The following RFX3 variants were observed in gnomAD, a reference collection of about 807,000 sequenced individuals.
RFX3 encodes the protein transcription factor RFX3.
In RFX3, 14 loss-of-function variants were observed where a neutral mutation model predicts 98.6. The ratio of observed to expected loss-of-function variants is 0.14; its 90% CI spans 0.09 to 0.22. RFX3 has a LOEUF of 0.22. Ranked by LOEUF, RFX3 falls within the 10% of genes least tolerant of loss-of-function variation. RFX3 has a pLI of 1.00. For synonymous variants in RFX3, 383 were observed against 328.4 expected (o/e 1.17, Z -1.80); for missense variants, 639 against 926.9 (o/e 0.69, Z 4.03).
chr9:3,497,712 C>T (rs1587861333), intron 1 of RFX3, among the ~76,000 whole-genome samples: 1 of 151,610 alleles, frequency 6.6e-6, no homozygotes, highest in Admixed American at 6.6e-5. Context: ...AAAAGTGTTA[C>T]AAAAAAATTG....
chr9:3,338,787 A>G (rs971195351), intron 3 of RFX3, among the ~76,000 whole-genome samples: 2 of 152,298 alleles, frequency 1.3e-5, no homozygotes, highest in Middle Eastern at 3.4e-3. Flanking sequence ...AAAGGGAAAA[A>G]GTGTTTTAAA....
intron 5 of RFX3, among the ~76,000 whole-genome samples, chr9:3,295,900 C>CTGAT (rs1827929205): frequency 6.6e-6 from 1 of 151,848 alleles, no homozygotes; most frequent in African/African-American, 2.4e-5. Context: ...TAATTTTAGT[C>CTGAT]TGATAAAAGC....
intron 4 of RFX3, 79 bp downstream of exon 4, chr9:3,330,180 T>C: frequency 6.9e-7 from 1 of 1,450,464 alleles, no homozygotes; most frequent in Non-Finnish European, 9.5e-7. Context: ...TCTGTGTTGT[T>C]CTTTTCCCTC....
intron 2 of RFX3, among the ~76,000 whole-genome samples, chr9:3,378,396 G>T (rs1183468351): frequency 6.6e-6 from 1 of 152,048 alleles, no homozygotes; most frequent in African/African-American, 2.4e-5. Flanking sequence ...GCTGAAAATG[G>T]AAAGTGTAAC....
chr9:3,270,681 G>T, intron 10 of RFX3, 156 bp from the exon 11 acceptor site: 1 of 756,168 alleles, frequency 1.3e-6, no homozygotes, highest in Admixed American at 2.9e-5. Flanking sequence ...TACCGAGAGA[G>T]ACAGACAGAT....
chr9:3,447,393 A>G (rs1258415942), intron 1 of RFX3, among the ~76,000 whole-genome samples: 1 of 152,164 alleles, frequency 6.6e-6, no homozygotes, highest in Non-Finnish European at 1.5e-5. Context: ...AGAGCCCAGC[A>G]ATGCAAAAGT....
At chr9:3,424,078 T>C (rs886425071) in intron 1 of RFX3, among the ~76,000 whole-genome samples, 76 of 148,726 alleles carry the variant, frequency 5.1e-4, no homozygotes, top group Middle Eastern at 3.5e-3. Context: ...ACCCGGGAGG[T>C]GGAGCTTGCA....
chr9:3,504,088 G>C (rs1587877412), intron 1 of RFX3, among the ~76,000 whole-genome samples: 2 of 140,712 alleles, frequency 1.4e-5, no homozygotes, highest in East Asian at 2.0e-4. Flanking sequence ...CCTTAGTTTT[G>C]ATCAATACAT....
At chr9:3,503,811 T>G (rs1816311110) in intron 1 of RFX3, among the ~76,000 whole-genome samples, 2 of 152,032 alleles carry the variant, frequency 1.3e-5, no homozygotes, top group Admixed American at 6.6e-5. Context: ...TATAAAACAC[T>G]GAAGAGCATT....
At chr9:3,243,706 C>T (rs968580661) in intron 15 of RFX3, among the ~76,000 whole-genome samples, 1 of 152,122 alleles carries the variant, frequency 6.6e-6, no homozygotes, top group Non-Finnish European at 1.5e-5. Context: ...AAAGGAAAGT[C>T]TTTTTGCTTG....
intron 1 of RFX3, among the ~76,000 whole-genome samples, chr9:3,490,938 C>G (rs1850673380): frequency 6.6e-6 from 1 of 152,026 alleles, no homozygotes; most frequent in South Asian, 2.1e-4. Context: ...AACATACTTA[C>G]ATGTATGTGT....
At chr9:3,321,134 C>T (rs1831257061) in intron 4 of RFX3, among the ~76,000 whole-genome samples, 1 of 151,986 alleles carries the variant, frequency 6.6e-6, no homozygotes, top group Non-Finnish European at 1.5e-5. Context: ...GAACTCCTGA[C>T]CTCAGGTGAT....
rs138067588 is a variant in RFX3 at position 3,448,927 on chromosome 9, T to C, written c.-8-53331A>G. Among the ~76,000 whole-genome samples, 198 of 152,356 alleles carry C rather than the reference T, an allele frequency of 1.3e-3. 1 individual carries two copies. The highest frequency in any genetic ancestry group is 4.5e-3 in the African/African-American group (186 of 41,588). ...CCAGAAAACTCCAAAGAAGTACTGATGGGTGACCTAGGCCCTAAGAATTTG... is the reference window on the plus strand; with the variant it reads ...CCAGAAAACTCCAAAGAAGTACTGACGGGTGACCTAGGCCCTAAGAATTTG... On this transcript the variant is annotated intron_variant, in intron 1 of 16. Coordinates refer to ENST00000617270, the MANE Select transcript of RFX3 (RefSeq NM_001282116.2).
intron 4 of RFX3, among the ~76,000 whole-genome samples, chr9:3,318,462 G>A (rs1047234631): frequency 2.0e-5 from 3 of 150,968 alleles, no homozygotes; most frequent in African/African-American, 7.3e-5. Context: ...CATGGCACAT[G>A]TATACATATG....
At position 3,292,990 on chromosome 9, in the gene RFX3, A is replaced by G. The variant is rs1015810738; in HGVS notation, c.731+87T>C. 5 of 1,039,480 alleles carry G rather than the reference A, an allele frequency of 4.8e-6. No individual in the cohort carries two copies. In the South Asian group the frequency reaches 8.1e-5, roughly 17 times the overall value. The allele number at this position is 1,039,480 out of a possible 1,614,324, so 64.4% of individuals were successfully genotyped here. A position where few individuals can be genotyped will look rare whatever the true frequency, so the allele number is the denominator to read the frequency against. ...TGTATTTCCTTATATATTGTCTGTA[A>G]TCAAGTACTTTTGTTTAAACAATAT... On this transcript the variant is annotated intron_variant, in intron 6 of 16. Transcript: ENST00000617270.
chr9:3,437,431 G>T (rs1845232707), intron 1 of RFX3, among the ~76,000 whole-genome samples: 1 of 152,032 alleles, frequency 6.6e-6, no homozygotes, highest in Non-Finnish European at 1.5e-5. Flanking sequence ...GCTAGACTTA[G>T]AACACAGAAT....
At chr9:3,312,313 T>C (rs1321451434) in intron 4 of RFX3, among the ~76,000 whole-genome samples, 3 of 152,162 alleles carry the variant, frequency 2.0e-5, no homozygotes, top group Non-Finnish European at 2.9e-5. Flanking sequence ...AAACTTCAAA[T>C]ACCCTGTAAT....
At chr9:3,389,989 C>T (rs894660817) in intron 2 of RFX3, among the ~76,000 whole-genome samples, 3 of 152,010 alleles carry the variant, frequency 2.0e-5, no homozygotes, top group African/African-American at 7.2e-5. Flanking sequence ...ATAAAATAAA[C>T]AAAAAATCAT....
intron 7 of RFX3, among the ~76,000 whole-genome samples, chr9:3,284,252 G>A (rs1336101918): frequency 6.6e-6 from 1 of 151,676 alleles, no homozygotes; most frequent in Non-Finnish European, 1.5e-5. Context: ...AATACTCTCT[G>A]TGTACTTCTT....
Sources: allele counts gnomAD v4.1 joint callset (sites outside exome capture counted in the v4.1 genomes callset), GRCh38; gene constraint gnomAD v4.1.1; transcripts MANE v1.5; gene names NCBI Gene and HGNC (gene_info 2026-07-23, HGNC 2026-07-21).